The following NPR3 variants were observed in gnomAD, a reference collection of about 807,000 sequenced individuals.
NPR3 encodes the protein natriuretic peptide receptor 3.
NPR3 carries 34 observed loss-of-function variants against 54.5 expected under a neutral mutation model. The ratio of observed to expected loss-of-function variants is 0.62; its 90% CI spans 0.47 to 0.83. The LOEUF is 0.83. NPR3 is among the 40% of genes least tolerant of loss of function. The probability of loss-of-function intolerance (pLI) is 0.00; values close to 1 mark genes in which losing one functional copy is unlikely to be tolerated. For missense variants in NPR3, 674 were observed against 720.8 expected (o/e 0.94, Z 0.74); for synonymous variants, 289 against 297.1 (o/e 0.97, Z 0.28).
chr5:32,716,996 A>AAACCCCCC (rs1561079842), intron 1 of NPR3, among the ~76,000 whole-genome samples: 5 of 109,666 alleles, frequency 4.6e-5, no homozygotes, highest in Admixed American at 9.9e-5. Flanking sequence ...CCATCCCCCA[A>AAACCCCCC]CCCCCCCACC....
At chr5:32,714,318 GGCAGATC>G (rs2111851942) in intron 1 of NPR3, among the ~76,000 whole-genome samples, 1 of 151,964 alleles carries the variant, frequency 6.6e-6, no homozygotes, top group Admixed American at 6.5e-5. Flanking sequence ...ACCAGAGGAG[GGCAGATC>G]GCGGCCCCGG....
chr5:32,767,723 T>C (rs1461025348), intron 3 of NPR3, among the ~76,000 whole-genome samples: 3 of 151,984 alleles, frequency 2.0e-5, no homozygotes, highest in Admixed American at 6.6e-5. Flanking sequence ...CAGGGAAGTT[T>C]CATTTTAGGG....
chr5:32,746,760 T>A (rs1406135596), intron 3 of NPR3, among the ~76,000 whole-genome samples: 1 of 152,228 alleles, frequency 6.6e-6, no homozygotes, highest in East Asian at 1.9e-4. Flanking sequence ...CTCAGTCAGC[T>A]TATTTGGCTT....
intron 3 of NPR3, among the ~76,000 whole-genome samples, chr5:32,758,388 A>C (rs981437161): frequency 6.6e-6 from 1 of 152,070 alleles, no homozygotes; most frequent in Non-Finnish European, 1.5e-5. Context: ...GTTTATTTGC[A>C]TAGAGGTGTT....
At position 32,787,861 on chromosome 5, in the gene NPR3, T is replaced by C. The variant is rs1413308510; in HGVS notation, c.*1516T>C. On this transcript the variant is annotated 3_prime_UTR_variant, in exon 8 of 8. Transcript: ENST00000265074. ...CCGTCTTGGAATTACATAACTGGGGTCTTTCCTCAATAACATTTTGAGCAT... is the reference window on the plus strand; with the variant it reads ...CCGTCTTGGAATTACATAACTGGGGCCTTTCCTCAATAACATTTTGAGCAT... The C allele has an allele frequency of 6.6e-6, 1 of 152,218 alleles. No individual in the cohort carries two copies. The highest frequency in any genetic ancestry group is 1.5e-5 in the Non-Finnish European group (1 of 68,044). The allele number at this position is 152,218 out of a possible 1,614,324, so 9.4% of individuals were successfully genotyped here.
intron 2 of NPR3, among the ~76,000 whole-genome samples, chr5:32,725,929 C>G (rs1739115283): frequency 6.6e-6 from 1 of 152,130 alleles, no homozygotes. Flanking sequence ...GCATTTAATT[C>G]CCTATAATGA....
rs989542060 is a variant in NPR3 at position 32,788,941 on chromosome 5, G to T, written c.*2596G>T. 6.6e-6 allele frequency: 1 copy of T among 152,348 alleles called. No individual in the cohort carries two copies. The highest frequency in any genetic ancestry group is 2.4e-5 in the African/African-American group (1 of 41,434). The allele number at this position is 152,348 out of a possible 1,614,324, so 9.4% of individuals were successfully genotyped here. On this transcript the variant is annotated 3_prime_UTR_variant, in exon 8 of 8. Coordinates refer to ENST00000265074, the MANE Select transcript of NPR3 (RefSeq NM_001204375.2). Reference sequence around the variant, plus strand: ...TAAGTTGGAAACCTTGGTTAAAAATGTAGGTGCCTGGCCCATGGTTACCCT... The same window carrying T: ...TAAGTTGGAAACCTTGGTTAAAAATTTAGGTGCCTGGCCCATGGTTACCCT...
intron 4 of NPR3, among the ~76,000 whole-genome samples, chr5:32,777,121 G>T (rs892995940): frequency 2.6e-5 from 4 of 152,252 alleles, no homozygotes; most frequent in Non-Finnish European, 4.4e-5. Flanking sequence ...AATGGGGCCA[G>T]ATCATGCGGA....
At chr5:32,698,768 A>G (rs1287174071) in intron 1 of NPR3, among the ~76,000 whole-genome samples, 1 of 148,408 alleles carries the variant, frequency 6.7e-6, no homozygotes, top group Non-Finnish European at 1.5e-5. Context: ...CTTAAAATCT[A>G]TTTTGTCTAA....
intron 1 of NPR3, among the ~76,000 whole-genome samples, chr5:32,696,087 A>C (rs1740525951): frequency 2.0e-5 from 3 of 152,140 alleles, no homozygotes; most frequent in East Asian, 1.9e-4. Flanking sequence ...TTACTCAAGA[A>C]ATCTTTGTCC....
At chr5:32,773,116 G>T (rs1203865764) in intron 3 of NPR3, among the ~76,000 whole-genome samples, 1 of 152,220 alleles carries the variant, frequency 6.6e-6, no homozygotes, top group Non-Finnish European at 1.5e-5. Flanking sequence ...TCCTTCTAGA[G>T]ATGGGGCGGG....
chr5:32,750,996 A>C (rs991802522), intron 3 of NPR3, among the ~76,000 whole-genome samples: 2 of 152,178 alleles, frequency 1.3e-5, no homozygotes, highest in African/African-American at 2.4e-5. Context: ...GTTTCCTCTA[A>C]CATAGCTCTT....
At chr5:32,769,717 C>G (rs974574313) in intron 3 of NPR3, among the ~76,000 whole-genome samples, 2 of 152,208 alleles carry the variant, frequency 1.3e-5, no homozygotes, top group African/African-American at 4.8e-5. Context: ...TGAACTCGGT[C>G]ACTTTCTTCC....
intron 1 of NPR3, among the ~76,000 whole-genome samples, 152 bp from the exon 2 acceptor site, chr5:32,724,546 A>G (rs568899942): frequency 1.2e-4 from 19 of 152,138 alleles, no homozygotes; most frequent in Non-Finnish European, 2.2e-4. Flanking sequence ...AGGTTCCTCC[A>G]TGGTCCATTT....
chr5:32,767,222 T>A (rs1275939667), intron 3 of NPR3, among the ~76,000 whole-genome samples: 1 of 152,206 alleles, frequency 6.6e-6, no homozygotes, highest in African/African-American at 2.4e-5. Flanking sequence ...AATGTGTCAA[T>A]AGGATAAATG....
chr5:32,756,483 T>A (rs190521785), intron 3 of NPR3, among the ~76,000 whole-genome samples: 1 of 152,194 alleles, frequency 6.6e-6, no homozygotes, highest in South Asian at 2.1e-4. Context: ...GTTTGAGTTC[T>A]TTGTAGATTC....
chr5:32,738,223 G>A (rs1195331032), intron 2 of NPR3, among the ~76,000 whole-genome samples: 1 of 152,016 alleles, frequency 6.6e-6, no homozygotes, highest in African/African-American at 2.4e-5. Context: ...ATGCCATGGT[G>A]GTTTGCTGCA....
chr5:32,742,834 G>A (rs1740104337), intron 3 of NPR3, among the ~76,000 whole-genome samples: 1 of 152,062 alleles, frequency 6.6e-6, no homozygotes, highest in African/African-American at 2.4e-5. Context: ...AGCACATCAA[G>A]CATCAAGGTT....
upstream of NPR3, chr5:32,709,430 G>C (rs547627442): frequency 3.5e-5 from 5 of 144,210 alleles, no homozygotes; most frequent in African/African-American, 1.3e-4. Flanking sequence ...TTTTTAATCT[G>C]TGCTGCCATA....
Sources: allele counts gnomAD v4.1 joint callset (sites outside exome capture counted in the v4.1 genomes callset), GRCh38; gene constraint gnomAD v4.1.1; transcripts MANE v1.5; gene names NCBI Gene and HGNC (gene_info 2026-07-23, HGNC 2026-07-21).